Variants in COL6A6 observed in about 807,000 individuals in gnomAD.
COL6A6 encodes collagen type VI alpha 6 chain, also known as collagen alpha-6(VI) chain.
Under a neutral mutation model 208.6 loss-of-function variants are expected in COL6A6, and 183 were observed. That is an observed-to-expected ratio of 0.88 (90% confidence interval 0.78 to 0.99). The LOEUF is 0.99. COL6A6 is among the 50% of genes least tolerant of loss of function. COL6A6 has a pLI of 0.00. For missense variants in COL6A6, 2,816 were observed against 2,815.2 expected (o/e 1.00, Z -0.01); for synonymous variants, 973 against 1,011.8 (o/e 0.96, Z 0.73).
chr3:130,539,647 A>T (rs1372859935), intron 1 of COL6A6, among the ~76,000 whole-genome samples: 4 of 151,228 alleles, frequency 2.6e-5, no homozygotes, highest in African/African-American at 9.7e-5. Context: ...AAAAAAAAAA[A>T]TTTATTTCTT....
At position 130,525,445 on chromosome 3, in the gene COL6A6, T is replaced by C. The variant is rs572372612; in HGVS notation, c.-32+8048T>C. ...GGATCTCTGTTATTGAAATTGACTT[T>C]AGTAAATATTTTCAAAAGTCCATTC... On this transcript the variant is annotated intron_variant, in intron 1 of 36. Coordinates refer to ENST00000358511, the MANE Select transcript of COL6A6 (RefSeq NM_001102608.3). 4.6e-5 allele frequency among the ~76,000 whole-genome samples: 7 copies of C among 152,328 alleles called. No homozygotes were observed. In the South Asian group the frequency reaches 1.2e-3, roughly 27 times the overall value.
In COL6A6 at chr3:130,642,183, GAAC is replaced by G. The variant is rs530104536; in HGVS notation, c.5154+471_5154+473del. 5.1e-4 allele frequency among the ~76,000 whole-genome samples: 78 copies of G among 151,686 alleles called. 1 individual carries two copies. Among genetic ancestry groups the G allele is most frequent in the African/African-American group, 1.8e-3 (76 of 41,202 alleles). ...CTCCTCTTCTTCTGAAGATGGGATT[GAAC>G]ACATAAGATTAAAACCAGTTCCATT... On this transcript the variant is annotated intron_variant, in intron 29 of 36. Transcript: ENST00000358511.
intron 20 of COL6A6, among the ~76,000 whole-genome samples, chr3:130,606,302 G>T (rs2064180936): frequency 6.6e-6 from 1 of 152,174 alleles, no homozygotes; most frequent in Non-Finnish European, 1.5e-5. Context: ...ACATATGACA[G>T]TGGCAGGAAA....
chr3:130,561,173 G>A (rs751730417), intron 2 of COL6A6, among the ~76,000 whole-genome samples: 3 of 152,166 alleles, frequency 2.0e-5, no homozygotes, highest in Non-Finnish European at 2.9e-5. Context: ...ACCTGAGTCC[G>A]CCTTATGTGC....
chr3:130,633,999 A>G (rs1340127379), intron 26 of COL6A6, among the ~76,000 whole-genome samples: 1 of 49,566 alleles, frequency 2.0e-5, no homozygotes, highest in South Asian at 7.4e-4. Flanking sequence ...ACATGTATAC[A>G]TATGTAACTA....
intron 32 of COL6A6, among the ~76,000 whole-genome samples, chr3:130,645,815 T>A (rs976778163): frequency 6.6e-6 from 1 of 152,224 alleles, no homozygotes; most frequent in African/African-American, 2.4e-5. Context: ...TACAAATGCT[T>A]CTTACATGAT....
intron 36 of COL6A6, among the ~76,000 whole-genome samples, chr3:130,671,203 C>T (rs1285703445): frequency 3.3e-5 from 5 of 152,150 alleles, no homozygotes; most frequent in East Asian, 1.9e-4. Context: ...TGCATTTTGC[C>T]GTCGGCTCTC....
At chr3:130,597,242 A>G (rs2063877724) in intron 18 of COL6A6, among the ~76,000 whole-genome samples, 1 of 152,224 alleles carries the variant, frequency 6.6e-6, no homozygotes, top group African/African-American at 2.4e-5. Flanking sequence ...CGTAAGAGAC[A>G]AATATTTAAA....
chr3:130,600,024 A>T (rs886075960), intron 20 of COL6A6, among the ~76,000 whole-genome samples: 1 of 152,218 alleles, frequency 6.6e-6, no homozygotes, highest in Non-Finnish European at 1.5e-5. Context: ...GCAGATCGCC[A>T]GTCAGGAGAG....
chr3:130,566,625 G>C, intron 4 of COL6A6, 77 bp from the exon 5 acceptor site: 2 of 1,236,414 alleles, frequency 1.6e-6, no homozygotes, highest in Non-Finnish European at 2.2e-6. Flanking sequence ...GTTCATATTT[G>C]TTCTTCTTTC....
chr3:130,529,108 G>A (rs943626491), intron 1 of COL6A6, among the ~76,000 whole-genome samples: 2 of 152,102 alleles, frequency 1.3e-5, no homozygotes, highest in African/African-American at 4.8e-5. Flanking sequence ...AGCCTGGGCT[G>A]AGAGCCACTC....
chr3:130,668,422 G>A (rs577613394), intron 36 of COL6A6, among the ~76,000 whole-genome samples: 2 of 152,264 alleles, frequency 1.3e-5, no homozygotes, highest in East Asian at 3.9e-4. Context: ...GGGTTGCAGT[G>A]AGCCAAGATC....
At chr3:130,544,893 G>A (rs1202370639) in intron 1 of COL6A6, among the ~76,000 whole-genome samples, 1 of 151,882 alleles carries the variant, frequency 6.6e-6, no homozygotes, top group East Asian at 1.9e-4. Flanking sequence ...CTATCCAATT[G>A]TATGAGGTTT....
At chr3:130,610,602 A>C in intron 22 of COL6A6, 47 bp from the exon 23 acceptor site, 1 of 1,330,524 alleles carries the variant, frequency 7.5e-7, no homozygotes, top group Non-Finnish European at 1.1e-6. Flanking sequence ...TTAATATTCA[A>C]TGTTCTCTTT....
intron 1 of COL6A6, among the ~76,000 whole-genome samples, chr3:130,536,559 T>C (rs2062229598): frequency 6.6e-6 from 1 of 152,206 alleles, no homozygotes; most frequent in Admixed American, 6.5e-5. Flanking sequence ...TTATTTTCAA[T>C]AGGGTGCTAA....
chr3:130,589,109 C>T lies in COL6A6; in HGVS notation c.4145C>T (p.Thr1382Ile). ...SKQLVNVAER[T>I]CCCLFCKCIG... ...CCCAAGGTCAATGTTGCTGAAAGGA[C>T]ATGCTGCTGTTTGTTCTGCAAGTGC... The change falls in exon 12 of 37, where the codon ACA becomes ATA. Residue 1382 changes from threonine (T) to isoleucine (I), a missense_variant. By Grantham distance (89) the Thr-to-Ile change is moderately conservative. Coordinates refer to ENST00000358511, the MANE Select transcript of COL6A6 (RefSeq NM_001102608.3). 1 of 1,613,782 alleles carries T rather than the reference C, an allele frequency of 6.2e-7. No individual in the cohort carries two copies. Among genetic ancestry groups the T allele is most frequent in the Non-Finnish European group, 8.5e-7 (1 of 1,179,754 alleles).
intron 1 of COL6A6, among the ~76,000 whole-genome samples, chr3:130,531,044 A>T (rs1289668454): frequency 0.063 from 1,188 of 18,912 alleles, 21 homozygotes; most frequent in African/African-American, 0.088. Context: ...ACACAGACAC[A>T]CACACACACA....
At chr3:130,593,373 A>G (rs1029657063) in intron 17 of COL6A6, 121 bp downstream of exon 17, 6 of 754,268 alleles carry the variant, frequency 8.0e-6, no homozygotes, top group Admixed American at 4.3e-5. Flanking sequence ...TAAAACCTCA[A>G]TCACATACAA....
At chr3:130,517,159 G>A (rs1234633990), upstream of COL6A6, among the ~76,000 whole-genome samples, 1 of 152,196 alleles carries the variant, frequency 6.6e-6, no homozygotes, top group Non-Finnish European at 1.5e-5. Flanking sequence ...TTATATGTCG[G>A]CGAGGGGCGT....
Sources: gnomAD v4.1 joint callset for allele counts (sites outside exome capture counted in the v4.1 genomes callset) on GRCh38, gnomAD v4.1.1 for gene constraint, MANE v1.5 for transcripts, NCBI Gene and HGNC (gene_info 2026-07-23, HGNC 2026-07-21) for gene names.